Variants in ITGB8 observed in about 807,000 individuals in gnomAD.
The protein encoded by ITGB8 is integrin subunit beta 8, also known as integrin beta-8.
A neutral mutation model predicts 89.5 loss-of-function variants in ITGB8; 30 were observed. The observed-to-expected ratio is 0.34, with a 90% CI of 0.25 to 0.45. The LOEUF is 0.45. Among genes scored for constraint, ITGB8 ranks in the 20% least tolerant of loss-of-function variants. ITGB8 has a pLI of 1.00. For synonymous variants in ITGB8, 335 were observed against 320.4 expected (o/e 1.05, Z -0.49); for missense variants, 836 against 933.3 (o/e 0.90, Z 1.36).
At chr7:20,387,689 A>C (rs1213050492) in intron 6 of ITGB8, among the ~76,000 whole-genome samples, 1 of 152,198 alleles carries the variant, frequency 6.6e-6, no homozygotes, top group South Asian at 2.1e-4. Flanking sequence ...TAAACATCCT[A>C]CAATGCACAG....
intron 8 of ITGB8, among the ~76,000 whole-genome samples, chr7:20,397,149 G>C (rs1261521622): frequency 5.3e-5 from 8 of 151,886 alleles, no homozygotes; most frequent in Non-Finnish European, 8.8e-5. Context: ...CCCCAAACTG[G>C]GCAAAATTTT....
chr7:20,409,930 A>G lies in ITGB8; in HGVS notation c.2243A>G (p.Lys748Arg), dbSNP rs1057352360. 2.5e-6 allele frequency: 4 copies of G among 1,613,668 alleles called. No homozygotes were observed. In the African/African-American group the frequency reaches 4.0e-5, roughly 16 times the overall value. The change falls in exon 14 of 14, where the codon AAG becomes AGG. Residue 748 changes from lysine to arginine, a missense_variant. Lys to Arg is a conservative substitution (Grantham distance 26). This residue lies in a region of ITGB8 where 422 missense variants were observed against 416.9 expected (regional missense o/e 1.01). Transcript: ENST00000222573. ...AGAGCAGTCACCTACCGACGTGAGA[A>G]GCCTGAAGAAATAAAAATGGATATC... ...CTRAVTYRRE[K>R]PEEIKMDISK...
In ITGB8 at chr7:20,409,798, GA is replaced by G; in HGVS notation, c.2187+22del. 6.2e-7 allele frequency: 1 copy of G among 1,611,778 alleles called. No individual in the cohort carries two copies. Among genetic ancestry groups the G allele is most frequent in the South Asian group, 1.1e-5 (1 of 90,594 alleles). ...AAAAAGGTCAGTGAATTCTAAAAAA[GA>G]ACTGCTAACAGTATGTTATTGCCTA... On this transcript the variant is annotated intron_variant, in intron 13 of 13. Transcript: ENST00000222573.
At chr7:20,344,753 G>A (rs747040033) in intron 1 of ITGB8, among the ~76,000 whole-genome samples, 22 of 152,292 alleles carry the variant, frequency 1.4e-4, no homozygotes, top group Admixed American at 6.5e-4. Flanking sequence ...TTGGGAGAAA[G>A]TTACCTGAAT....
chr7:20,375,673 A>G (rs1786111599), intron 3 of ITGB8, among the ~76,000 whole-genome samples: 1 of 152,204 alleles, frequency 6.6e-6, no homozygotes, highest in African/African-American at 2.4e-5. Context: ...AATGACAAGA[A>G]CAGCTATAAT....
At chr7:20,397,048 A>G (rs952005757) in intron 8 of ITGB8, among the ~76,000 whole-genome samples, 4 of 152,122 alleles carry the variant, frequency 2.6e-5, no homozygotes, top group Non-Finnish European at 4.4e-5. Flanking sequence ...TCAATTCACA[A>G]TCCATTGAAG....
intron 1 of ITGB8, among the ~76,000 whole-genome samples, chr7:20,339,752 G>T (rs1360722106): frequency 6.6e-6 from 1 of 152,164 alleles, no homozygotes; most frequent in Non-Finnish European, 1.5e-5. Context: ...TTTAGGCCAG[G>T]CGCGGTGGCT....
chr7:20,378,351 G>A (rs1487442646), intron 3 of ITGB8, among the ~76,000 whole-genome samples: 1 of 152,172 alleles, frequency 6.6e-6, no homozygotes, highest in Non-Finnish European at 1.5e-5. Flanking sequence ...CACCTACCGT[G>A]TGTTGGACAA....
chr7:20,409,551 T>C, intron 12 of ITGB8, 64 bp from the exon 13 acceptor site: 1 of 1,103,052 alleles, frequency 9.1e-7, no homozygotes, highest in Non-Finnish European at 1.3e-6. Context: ...CATTATTTAC[T>C]TGATAGACTC....
At chr7:20,385,772 C>G (rs1212153611) in intron 6 of ITGB8, among the ~76,000 whole-genome samples, 1 of 150,940 alleles carries the variant, frequency 6.6e-6, no homozygotes, top group East Asian at 2.0e-4. Flanking sequence ...GCTTAAGAAG[C>G]TACTTTGCTA....
chr7:20,362,017 G>T (rs1307066085), intron 1 of ITGB8, among the ~76,000 whole-genome samples: 1 of 152,156 alleles, frequency 6.6e-6, no homozygotes, highest in African/African-American at 2.4e-5. Flanking sequence ...AAAGGTATTA[G>T]GGAAAGATGT....
chr7:20,359,693 GAGA>G (rs1453121006), intron 1 of ITGB8, among the ~76,000 whole-genome samples: 1 of 152,064 alleles, frequency 6.6e-6, no homozygotes, highest in Non-Finnish European at 1.5e-5. Context: ...GTGTGTGTGG[GAGA>G]GAGAGAAGAA....
rs2127989582 is a variant in ITGB8 at position 20,410,984 on chromosome 7, T to C, written c.*987T>C. On this transcript the variant is annotated 3_prime_UTR_variant, in exon 14 of 14. Coordinates refer to ENST00000222573, the MANE Select transcript of ITGB8 (RefSeq NM_002214.3). The stretch of plus-strand genomic sequence containing the variant: ...ACCACATTTTGAATGTTTTCTTAGA[T>C]TTTGATTGCAAGTAGATATCAGCAT... The C allele has an allele frequency of 6.6e-6, 1 of 152,430 alleles. No homozygotes were observed. Among genetic ancestry groups the C allele is most frequent in the Non-Finnish European group, 1.5e-5 (1 of 68,018 alleles). 9.4% of individuals were successfully genotyped at this position (152,430 alleles called of 1,614,324 possible).
At chr7:20,404,377 A>T (rs1349390406) in intron 10 of ITGB8, among the ~76,000 whole-genome samples, 3 of 152,210 alleles carry the variant, frequency 2.0e-5, no homozygotes, top group African/African-American at 7.2e-5. Flanking sequence ...CAGCCACTGA[A>T]GCAGGGGTGC....
Position 20,333,067 on chromosome 7 carries a change from A to G in ITGB8, c.127+1134A>G, listed in dbSNP as rs368621677. On this transcript the variant is annotated intron_variant, in intron 1 of 13. Transcript: ENST00000222573. ...GTTTTGTAGGTTAAAATTTACTCCT[A>G]TACTTTAAAGTGTCAAGGTTTTGCC... 8.3e-4 allele frequency among the ~76,000 whole-genome samples: 127 copies of G among 152,196 alleles called. 1 individual carries two copies. The highest frequency in any genetic ancestry group is 2.9e-3 in the African/African-American group (121 of 41,526).
At chr7:20,396,527 A>T (rs1045996686) in intron 8 of ITGB8, among the ~76,000 whole-genome samples, 2 of 152,186 alleles carry the variant, frequency 1.3e-5, no homozygotes, top group Non-Finnish European at 2.9e-5. Context: ...ATAGTTTTCT[A>T]TGTCTGAAAA....
At chr7:20,336,560 C>G (rs1193290913) in intron 1 of ITGB8, among the ~76,000 whole-genome samples, 1 of 152,192 alleles carries the variant, frequency 6.6e-6, no homozygotes, top group Non-Finnish European at 1.5e-5. Context: ...TGTCACCTAT[C>G]TAGTAAGTAG....
Position 20,413,647 on chromosome 7 carries a change from C to T in ITGB8, c.*3650C>T, listed in dbSNP as rs190105068. The T allele has an allele frequency of 9.2e-5, 14 of 152,122 alleles. 1 individual carries two copies. Among genetic ancestry groups the T allele is most frequent in the African/African-American group, 3.4e-4 (14 of 41,516 alleles). 9.4% of individuals were successfully genotyped at this position (152,122 alleles called of 1,614,324 possible). ...TATAATGAAGTTCTTCATTTCCAGA[C>T]ATCTTTAATTGATCTTAAAGCTCAT... On this transcript the variant is annotated 3_prime_UTR_variant, in exon 14 of 14. Coordinates refer to ENST00000222573, the MANE Select transcript of ITGB8 (RefSeq NM_002214.3).
chr7:20,369,246 A>G (rs949155853), intron 3 of ITGB8, among the ~76,000 whole-genome samples: 2 of 152,206 alleles, frequency 1.3e-5, no homozygotes, highest in African/African-American at 2.4e-5. Context: ...GAAAAATAAT[A>G]AACAGTCTCT....
Sources: gnomAD v4.1 joint callset for allele counts (sites outside exome capture counted in the v4.1 genomes callset) on GRCh38, gnomAD v4.1.1 for gene constraint, gnomAD v4.1.1 regional missense constraint, MANE v1.5 for transcripts, NCBI Gene and HGNC (gene_info 2026-07-23, HGNC 2026-07-21) for gene names.